Variants in PAPPA2 observed in about 807,000 individuals in gnomAD.
The protein encoded by PAPPA2 is pappalysin-2.
PAPPA2 carries 86 observed loss-of-function variants against 176.4 expected under a neutral mutation model. The ratio of observed to expected loss-of-function variants is 0.49; its 90% confidence interval spans 0.41 to 0.58. The LOEUF is 0.58. PAPPA2 is among the 20% of genes least tolerant of loss of function. The probability of loss-of-function intolerance (pLI) is 0.00; values close to 1 mark genes in which losing one functional copy is unlikely to be tolerated. For missense variants in PAPPA2, 2,073 were observed against 2,256.9 expected, an observed-to-expected ratio of 0.92 and a Z score of 1.65; for synonymous variants, 809 against 852.2, an observed-to-expected ratio of 0.95 and a Z score of 0.88.
intron 3 of PAPPA2, among the ~76,000 whole-genome samples, chr1:176,643,774 G>A (rs959754216): frequency 6.6e-6 from 1 of 151,848 alleles, no homozygotes; most frequent in Admixed American, 6.6e-5. Context: ...GCCAACAAAC[G>A]ATCCTCAGAT....
At chr1:176,704,152 C>G (rs1417204412) in intron 9 of PAPPA2, among the ~76,000 whole-genome samples, 1 of 152,174 alleles carries the variant, frequency 6.6e-6, no homozygotes, top group Non-Finnish European at 1.5e-5. Context: ...GTGGAGGGCT[C>G]TTTCCCTACC....
intron 2 of PAPPA2, among the ~76,000 whole-genome samples, chr1:176,581,208 T>C (rs1388967917): frequency 6.6e-6 from 1 of 152,212 alleles, no homozygotes; most frequent in East Asian, 1.9e-4. Flanking sequence ...GCACCATTTA[T>C]TGAAAAGATT....
intron 3 of PAPPA2, among the ~76,000 whole-genome samples, chr1:176,668,251 A>C (rs1658778524): frequency 6.6e-6 from 1 of 152,210 alleles, no homozygotes; most frequent in South Asian, 2.1e-4. Context: ...TCAGGGATAC[A>C]TATAGGTGAG....
rs763772069 is a variant in PAPPA2, at chr1:176,699,551, C to T, written c.3198C>T (p.Pro1066=). 61 of 1,609,644 alleles carry T rather than the reference C, an allele frequency of 3.8e-5. No homozygotes were observed. Among genetic ancestry groups the T allele is most frequent in the African/African-American group, 5.3e-5 (4 of 74,816 alleles). The change falls in exon 8 of 23, where the codon CCC becomes CCT. Residue 1066 remains proline, a synonymous_variant. Transcript: ENST00000367662. Reference sequence around the variant, plus strand: ...ATCCCCCATTTGCCAGTGGTTTGCCCGTGGTGGTGACACATTCTCACAGGA... The same window carrying T: ...ATCCCCCATTTGCCAGTGGTTTGCCTGTGGTGGTGACACATTCTCACAGGA... ...LRDPPFASGL[P]VVVTHSHRKF...
At chr1:176,506,002 C>A (rs1450685038) in intron 1 of PAPPA2, among the ~76,000 whole-genome samples, 2 of 152,084 alleles carry the variant, frequency 1.3e-5, no homozygotes, top group Non-Finnish European at 2.9e-5. Flanking sequence ...GAACTTGGGG[C>A]ATCTTGGATT....
intron 2 of PAPPA2, among the ~76,000 whole-genome samples, chr1:176,573,192 G>T (rs886930972): frequency 6.6e-6 from 1 of 152,156 alleles, no homozygotes; most frequent in African/African-American, 2.4e-5. Flanking sequence ...ACCCCCTAAG[G>T]TGTGTGACTT....
intron 12 of PAPPA2, among the ~76,000 whole-genome samples, chr1:176,714,485 T>C (rs944626654): frequency 1.3e-5 from 2 of 151,658 alleles, no homozygotes; most frequent in African/African-American, 4.8e-5. Context: ...TTAAACACCC[T>C]CACCATATTA....
chr1:176,765,019 G>A (rs898357469), intron 14 of PAPPA2, among the ~76,000 whole-genome samples: 1 of 152,226 alleles, frequency 6.6e-6, no homozygotes, highest in African/African-American at 2.4e-5. Flanking sequence ...TTAGGCATGG[G>A]ACATGGATTC....
chr1:176,708,918 C>T (rs1558534256), intron 10 of PAPPA2, among the ~76,000 whole-genome samples: 1 of 152,068 alleles, frequency 6.6e-6, no homozygotes, highest in Non-Finnish European at 1.5e-5. Context: ...ATCTTATTTT[C>T]ATGTCCTATT....
intron 1 of PAPPA2, among the ~76,000 whole-genome samples, chr1:176,496,084 A>G (rs1224583487): frequency 6.6e-6 from 1 of 152,068 alleles, no homozygotes; most frequent in Non-Finnish European, 1.5e-5. Context: ...GATTATTACA[A>G]CTTTTTTAAA....
chr1:176,804,849 G>A (rs889365500), intron 21 of PAPPA2, among the ~76,000 whole-genome samples: 22 of 152,262 alleles, frequency 1.4e-4, no homozygotes, highest in African/African-American at 5.3e-4. Flanking sequence ...TTATAGATAA[G>A]TATGCAAATA....
At chr1:176,549,171 A>C (rs1004914028) in intron 1 of PAPPA2, among the ~76,000 whole-genome samples, 2 of 152,268 alleles carry the variant, frequency 1.3e-5, no homozygotes, top group African/African-American at 4.8e-5. Context: ...ATAATGCTAC[A>C]GATGCATAGG....
intron 14 of PAPPA2, among the ~76,000 whole-genome samples, chr1:176,740,725 T>G (rs1662640988): frequency 6.6e-6 from 1 of 152,196 alleles, no homozygotes; most frequent in African/African-American, 2.4e-5. Context: ...GCTATGAGGT[T>G]CACTAGCATC....
chr1:176,599,045 A>T (rs1333410246), intron 3 of PAPPA2, among the ~76,000 whole-genome samples: 1 of 152,178 alleles, frequency 6.6e-6, no homozygotes, highest in African/African-American at 2.4e-5. Context: ...CTTGGTATAA[A>T]ATTTTGGATT....
At chr1:176,809,951 A>AGTGTGTGTGTGTGTGTGTGTGTGT (rs55858181) in intron 21 of PAPPA2, among the ~76,000 whole-genome samples, 1 of 133,706 alleles carries the variant, frequency 7.5e-6, no homozygotes, top group Non-Finnish European at 1.6e-5. Flanking sequence ...GACAAGATGC[A>AGTGTGTGTGTGTGTGTGTGTGTGT]GTGTGTGTGT....
chr1:176,594,535 AACT>A lies in PAPPA2; in HGVS notation c.932_934del (p.Asn311_Cys312delinsSer). On this transcript the variant is annotated inframe_deletion, in exon 3 of 23. Transcript: ENST00000367662. ...TCCTTCTTTCCCAGGTGTGTTTGAT[AACT>A]GCTCCCACACTGTCAGTGACAAAGG... is the stretch of plus-strand genomic sequence containing the variant. The A allele has an allele frequency of 6.2e-7, 1 of 1,613,386 alleles. No homozygotes were observed. The highest frequency in any genetic ancestry group is 1.1e-5 in the South Asian group (1 of 91,002).
At chr1:176,589,872 A>C (rs1290928946) in intron 2 of PAPPA2, among the ~76,000 whole-genome samples, 1 of 152,202 alleles carries the variant, frequency 6.6e-6, no homozygotes, top group Non-Finnish European at 1.5e-5. Flanking sequence ...TGGGAAGAAA[A>C]AGTCTCCTAA....
chr1:176,638,316 G>A (rs1656846015), intron 3 of PAPPA2, among the ~76,000 whole-genome samples: 1 of 151,802 alleles, frequency 6.6e-6, no homozygotes, highest in Admixed American at 6.6e-5. Flanking sequence ...CAATTCTTTG[G>A]GTATTTCCTC....
At chr1:176,566,586 G>A (rs78509165) in intron 2 of PAPPA2, among the ~76,000 whole-genome samples, 3 of 152,130 alleles carry the variant, frequency 2.0e-5, no homozygotes, top group Non-Finnish European at 2.9e-5. Flanking sequence ...GGAGACTCTG[G>A]TGTAGTTCTG....
Sources: gnomAD v4.1 joint callset for allele counts (sites outside exome capture counted in the v4.1 genomes callset) on GRCh38, gnomAD v4.1.1 for gene constraint, MANE v1.5 for transcripts, NCBI Gene and HGNC (gene_info 2026-07-23, HGNC 2026-07-21) for gene names.